XYLT1: variants seen among roughly 807,000 people sequenced by gnomAD.
XYLT1 encodes beta-D-xylosyltransferase 1.
Under a neutral mutation model 91.3 loss-of-function variants are expected in XYLT1, and 36 were observed. The observed-to-expected ratio is 0.39, with a 90% confidence interval of 0.30 to 0.52. The LOEUF (loss-of-function observed/expected upper bound fraction) is 0.52. Among genes scored for constraint, XYLT1 ranks in the 20% least tolerant of loss-of-function variants. XYLT1 has a pLI of 0.68. For missense variants in XYLT1, 1,242 were observed against 1,284.5 expected (o/e 0.97, Z 0.51); for synonymous variants, 588 against 532.0 (o/e 1.11, Z -1.45).
At chr16:17,464,513 C>T (rs1189586732) in intron 1 of XYLT1, among the ~76,000 whole-genome samples, 2 of 145,678 alleles carry the variant, frequency 1.4e-5, no homozygotes, top group Non-Finnish European at 1.5e-5. Flanking sequence ...AAAAAAGGAG[C>T]TAGAAGAGAA....
At chr16:17,165,357 C>T (rs1009899580) in intron 5 of XYLT1, among the ~76,000 whole-genome samples, 14 of 152,186 alleles carry the variant, frequency 9.2e-5, no homozygotes, top group African/African-American at 3.4e-4. Flanking sequence ...TACAGGCAGA[C>T]TTCATCCTTT....
At chr16:17,307,077 T>C (rs1055704668) in intron 2 of XYLT1, among the ~76,000 whole-genome samples, 2 of 146,494 alleles carry the variant, frequency 1.4e-5, no homozygotes, top group Non-Finnish European at 3.1e-5. Context: ...GGGGTTTTTG[T>C]TGTTGTTGTT....
At chr16:17,216,711 G>A (rs529532905) in intron 3 of XYLT1, among the ~76,000 whole-genome samples, 1 of 152,164 alleles carries the variant, frequency 6.6e-6, no homozygotes, top group Non-Finnish European at 1.5e-5. Context: ...TTTACACATG[G>A]GGAAACTGAG....
At chr16:17,168,713 C>G (rs1234627869) in intron 5 of XYLT1, among the ~76,000 whole-genome samples, 2 of 152,102 alleles carry the variant, frequency 1.3e-5, no homozygotes, top group African/African-American at 4.8e-5. Context: ...ACTCCACAGG[C>G]ATAATTCCAG....
rs143032394 is a variant in XYLT1, at chr16:17,385,394, C to T, written c.364-27344G>A. 6.0e-3 allele frequency among the ~76,000 whole-genome samples: 915 copies of T among 151,710 alleles called. 6 individuals carry two copies. Among genetic ancestry groups the T allele is most frequent in the Non-Finnish European group, 9.8e-3 (665 of 67,984 alleles). On this transcript the variant is annotated intron_variant, in intron 1 of 11. Coordinates refer to ENST00000261381, the MANE Select transcript of XYLT1 (RefSeq NM_022166.4). Reference sequence around the variant, plus strand: ...TTGTTCTCTTGTGTGCTCTTTTCAGCTATATTATATGCTGTACGAAGAAAG... The same window carrying T: ...TTGTTCTCTTGTGTGCTCTTTTCAGTTATATTATATGCTGTACGAAGAAAG...
intron 1 of XYLT1, among the ~76,000 whole-genome samples, chr16:17,377,214 G>A (rs1285090455): frequency 1.8e-5 from 2 of 111,922 alleles, no homozygotes; most frequent in African/African-American, 1.1e-4. Flanking sequence ...TCTGGGTCTT[G>A]TTTTTATAGA....
intron 2 of XYLT1, among the ~76,000 whole-genome samples, chr16:17,261,107 T>C (rs544633177): frequency 2.0e-5 from 3 of 151,966 alleles, no homozygotes; most frequent in Non-Finnish European, 4.4e-5. Flanking sequence ...CTAGGGGTGG[T>C]GGTGCACACC....
At chr16:17,179,395 T>C (rs892134473) in intron 5 of XYLT1, among the ~76,000 whole-genome samples, 3 of 152,148 alleles carry the variant, frequency 2.0e-5, no homozygotes, top group Admixed American at 6.5e-5. Flanking sequence ...AGAAAAGAAG[T>C]TTGTTGATCC....
chr16:17,364,632 C>T (rs1386499470), intron 1 of XYLT1, among the ~76,000 whole-genome samples: 3 of 152,110 alleles, frequency 2.0e-5, no homozygotes, highest in East Asian at 3.9e-4. Flanking sequence ...TTAGCTAATT[C>T]GTTTTGAATG....
chr16:17,226,998 T>C (rs1029305319), intron 3 of XYLT1: 1 of 152,206 alleles, frequency 6.6e-6, no homozygotes, highest in African/African-American at 2.4e-5. Flanking sequence ...CTTAGCCTGG[T>C]GTCTGGCATA....
chr16:17,256,338 C>CT (rs2033630130), intron 3 of XYLT1, among the ~76,000 whole-genome samples: 1 of 152,062 alleles, frequency 6.6e-6, no homozygotes, highest in Admixed American at 6.5e-5. Context: ...GCCTCATGTT[C>CT]TTATCTGTCC....
chr16:17,389,919 G>A (rs541723322), intron 1 of XYLT1, among the ~76,000 whole-genome samples: 1 of 152,292 alleles, frequency 6.6e-6, no homozygotes, highest in East Asian at 1.9e-4. Flanking sequence ...TTCATTTAGA[G>A]CCTGAAGTCA....
chr16:17,464,873 A>T (rs1368290050), intron 1 of XYLT1, among the ~76,000 whole-genome samples: 1 of 152,056 alleles, frequency 6.6e-6, no homozygotes, highest in Non-Finnish European at 1.5e-5. Flanking sequence ...GGGGCTGGGC[A>T]AAGTGGCTCA....
At chr16:17,298,177 T>A (rs2034341126) in intron 2 of XYLT1, among the ~76,000 whole-genome samples, 1 of 151,938 alleles carries the variant, frequency 6.6e-6, no homozygotes, top group African/African-American at 2.4e-5. Flanking sequence ...ACAAAACAAG[T>A]CAAAATGAGT....
intron 1 of XYLT1, among the ~76,000 whole-genome samples, chr16:17,386,586 A>C (rs767553346): frequency 7.2e-5 from 11 of 152,118 alleles, no homozygotes; most frequent in South Asian, 2.1e-4. Context: ...ATTACAATAC[A>C]CATCAACAGG....
At chr16:17,428,532 C>CATTTATTGTGTAAT (rs1305502981) in intron 1 of XYLT1, among the ~76,000 whole-genome samples, 1 of 152,190 alleles carries the variant, frequency 6.6e-6, no homozygotes, top group African/African-American at 2.4e-5. Flanking sequence ...ATGGTCACAG[C>CATTTATTGTGTAAT]TCTGATTACA....
intron 1 of XYLT1, among the ~76,000 whole-genome samples, chr16:17,370,793 AT>A (rs2035522577): frequency 6.6e-6 from 1 of 152,188 alleles, no homozygotes; most frequent in African/African-American, 2.4e-5. Flanking sequence ...AAGTTCTGGC[AT>A]TTTTTGGAAA....
chr16:17,357,002 T>C (rs6498695), intron 2 of XYLT1, among the ~76,000 whole-genome samples: 76,281 of 151,174 alleles, frequency 0.5, 22,504 homozygotes, highest in African/African-American at 0.81. Context: ...CGGTGAAACC[T>C]CGTCTCTAGA....
In XYLT1 at chr16:17,264,100, T is replaced by C. The variant is rs79280385; in HGVS notation, c.403-4602A>G. Among the ~76,000 whole-genome samples, 787 of 152,188 alleles carry C rather than the reference T, an allele frequency of 5.2e-3. 8 individuals carry two copies. The highest frequency in any genetic ancestry group is 0.018 in the African/African-American group (762 of 41,512). ...AGTACTATATGCAACATACAGCAAATTGTTGTATATTGTTGCATGTACTAC... is the reference window on the plus strand; with the variant it reads ...AGTACTATATGCAACATACAGCAAACTGTTGTATATTGTTGCATGTACTAC... On this transcript the variant is annotated intron_variant, in intron 2 of 11. Coordinates refer to ENST00000261381, the MANE Select transcript of XYLT1 (RefSeq NM_022166.4).
Sources: gnomAD v4.1 joint callset for allele counts (sites outside exome capture counted in the v4.1 genomes callset) on GRCh38, gnomAD v4.1.1 for gene constraint, MANE v1.5 for transcripts, NCBI Gene and HGNC (gene_info 2026-07-23, HGNC 2026-07-21) for gene names.